GNS: variants seen among roughly 807,000 people sequenced by gnomAD.
GNS encodes N-acetylglucosamine-6-sulfatase.
Under a neutral mutation model 69.7 loss-of-function variants are expected in GNS, and 40 were observed. The ratio of observed to expected loss-of-function variants is 0.57; its 90% CI spans 0.45 to 0.75. GNS has a LOEUF of 0.75. GNS is among the 30% of genes least tolerant of loss of function. The pLI is 0.00. For missense variants in GNS, 565 were observed against 685.5 expected (o/e 0.82, Z 1.96); for synonymous variants, 243 against 251.6 (o/e 0.97, Z 0.32).
At chr12:64,751,457 A>G (rs1870075401) in intron 2 of GNS, among the ~76,000 whole-genome samples, 1 of 152,200 alleles carries the variant, frequency 6.6e-6, no homozygotes, top group Admixed American at 6.5e-5. Flanking sequence ...ACAACATTAA[A>G]TGGAGCACTG....
At chr12:64,725,566 C>T (rs1022615066) in intron 10 of GNS, among the ~76,000 whole-genome samples, 2 of 152,122 alleles carry the variant, frequency 1.3e-5, no homozygotes, top group East Asian at 1.9e-4. Flanking sequence ...AGTATTTCAT[C>T]GGAATAGCCT....
Position 64,755,041 on chromosome 12 carries a change from A to G in GNS, c.193-2284T>C, listed in dbSNP as rs556328444. Among the ~76,000 whole-genome samples the G allele has an allele frequency of 2.0e-5, 3 of 152,320 alleles. No individual in the cohort carries two copies. In the East Asian group the frequency reaches 5.8e-4, roughly 29 times the overall value. On this transcript the variant is annotated intron_variant, in intron 1 of 13. Coordinates refer to ENST00000258145, the MANE Select transcript of GNS (RefSeq NM_002076.4). ...GTCATGTGTCTCTATGCTAATTAGA[A>G]TGTAAAATGAATCCTTAAGATCGAA...
intron 6 of GNS, 129 bp downstream of exon 6, chr12:64,743,012 G>C: frequency 1.3e-6 from 1 of 789,884 alleles, no homozygotes; most frequent in South Asian, 1.4e-5. Context: ...GTTGTACTAG[G>C]GACAGATGCA....
chr12:64,716,442 T>A lies in GNS; in HGVS notation c.*299A>T, dbSNP rs375796330. 9 of 438,752 alleles carry A rather than the reference T, an allele frequency of 2.1e-5. No homozygotes were observed. The highest frequency in any genetic ancestry group is 2.0e-4 in the South Asian group (9 of 44,814). The allele number at this position is 438,752 out of a possible 1,614,324, so 27.2% of individuals were successfully genotyped here. A position where few individuals can be genotyped will look rare whatever the true frequency, so the allele number is the denominator to read the frequency against. ...ATTCAGTCTTTAACCACAAGAGGAA[T>A]AATCAAGAACTGTGGCCCCAGGATA... On this transcript the variant is annotated 3_prime_UTR_variant, in exon 14 of 14. Coordinates refer to ENST00000258145, the MANE Select transcript of GNS (RefSeq NM_002076.4).
At chr12:64,754,134 A>C (rs987340124) in intron 1 of GNS, among the ~76,000 whole-genome samples, 5 of 152,258 alleles carry the variant, frequency 3.3e-5, no homozygotes, top group Non-Finnish European at 4.4e-5. Flanking sequence ...TATTAAACAC[A>C]ACACGTGCCA....
intron 10 of GNS, among the ~76,000 whole-genome samples, chr12:64,727,358 C>T (rs1467636283): frequency 1.1e-5 from 1 of 89,464 alleles, no homozygotes; most frequent in Non-Finnish European, 2.3e-5. Context: ...ATCCTCTGAG[C>T]GTAGGAGACT....
At chr12:64,744,136 G>A (rs1869827500) in intron 5 of GNS, among the ~76,000 whole-genome samples, 1 of 152,170 alleles carries the variant, frequency 6.6e-6, no homozygotes, top group Admixed American at 6.5e-5. Flanking sequence ...CTGCTTAAAT[G>A]TTATCTAAGT....
At chr12:64,721,772 G>C (rs1869035765) in intron 11 of GNS, 67 bp from the exon 12 acceptor site, 4 of 865,932 alleles carry the variant, frequency 4.6e-6, no homozygotes, top group East Asian at 2.4e-5. Flanking sequence ...TAGTTGCCTA[G>C]AAGGGCAATC....
intron 9 of GNS, among the ~76,000 whole-genome samples, chr12:64,730,226 G>T (rs1415721350): frequency 1.1e-4 from 17 of 152,008 alleles, no homozygotes; most frequent in Admixed American, 1.1e-3. Context: ...TATAGGTGAA[G>T]AAATGAAACA....
At chr12:64,749,677 T>C (rs1202347228) in intron 2 of GNS, among the ~76,000 whole-genome samples, 2 of 152,200 alleles carry the variant, frequency 1.3e-5, no homozygotes, top group South Asian at 2.1e-4. Context: ...CGGCCTCTTG[T>C]TACATAAGAT....
chr12:64,723,469 T>A (rs556356217), intron 10 of GNS, among the ~76,000 whole-genome samples: 1 of 152,348 alleles, frequency 6.6e-6, no homozygotes, highest in South Asian at 2.1e-4. Context: ...ATATGCTCTA[T>A]GTAAGAACTG....
chr12:64,749,769 G>A (rs941181099), intron 2 of GNS, among the ~76,000 whole-genome samples: 3 of 151,442 alleles, frequency 2.0e-5, no homozygotes, highest in African/African-American at 7.3e-5. Flanking sequence ...GACTTCTTAA[G>A]TTTAAATTGG....
chr12:64,715,034 C>G lies in GNS; in HGVS notation c.*1707G>C, dbSNP rs973538718. 1.3e-5 allele frequency: 2 copies of G among 152,658 alleles called. No homozygotes were observed. Among genetic ancestry groups the G allele is most frequent in the Non-Finnish European group, 2.9e-5 (2 of 68,038 alleles). The allele number at this position is 152,658 out of a possible 1,614,324, so 9.5% of individuals were successfully genotyped here. A position where few individuals can be genotyped will look rare whatever the true frequency, so the allele number is the denominator to read the frequency against. On this transcript the variant is annotated 3_prime_UTR_variant, in exon 14 of 14. Coordinates refer to ENST00000258145, the MANE Select transcript of GNS (RefSeq NM_002076.4). ...GCAATTCTGATAGAAAAGCTACTTT[C>G]AGCCATGTCTTACAAAGTGCTTAAA... is the stretch of plus-strand genomic sequence containing the variant.
At chr12:64,750,285 T>C (rs1870038523) in intron 2 of GNS, among the ~76,000 whole-genome samples, 1 of 152,042 alleles carries the variant, frequency 6.6e-6, no homozygotes, top group Non-Finnish European at 1.5e-5. Context: ...TGACCTCAGG[T>C]GATCTGTCCA....
chr12:64,754,206 C>T (rs1870171830), intron 1 of GNS, among the ~76,000 whole-genome samples: 1 of 152,200 alleles, frequency 6.6e-6, no homozygotes, highest in Non-Finnish European at 1.5e-5. Context: ...GATCTCTGCA[C>T]TCTTGGGGAC....
intron 6 of GNS, among the ~76,000 whole-genome samples, chr12:64,742,237 G>A (rs747884794): frequency 1.3e-5 from 2 of 152,102 alleles, no homozygotes; most frequent in African/African-American, 4.8e-5. Context: ...AGCCAGGATG[G>A]TCTCAATCTC....
chr12:64,750,284 G>A (rs571062309), intron 2 of GNS, among the ~76,000 whole-genome samples: 2 of 152,056 alleles, frequency 1.3e-5, no homozygotes, highest in African/African-American at 4.8e-5. Context: ...CTGACCTCAG[G>A]TGATCTGTCC....
intron 10 of GNS, among the ~76,000 whole-genome samples, chr12:64,727,205 G>C (rs1869229989): frequency 6.7e-6 from 1 of 150,374 alleles, no homozygotes; most frequent in Non-Finnish European, 1.5e-5. Context: ...AAACAAGGGA[G>C]GTTCTCTTGA....
intron 3 of GNS, among the ~76,000 whole-genome samples, chr12:64,747,015 A>T (rs189306622): frequency 3.3e-4 from 51 of 152,340 alleles, no homozygotes; most frequent in Admixed American, 8.5e-4. Flanking sequence ...AACCCCAAAC[A>T]TTCTCGAACA....
Sources: gnomAD v4.1 joint callset for allele counts (sites outside exome capture counted in the v4.1 genomes callset) on GRCh38, gnomAD v4.1.1 for gene constraint, MANE v1.5 for transcripts, NCBI Gene and HGNC (gene_info 2026-07-23, HGNC 2026-07-21) for gene names.